Variants in GYS2 observed in about 807,000 individuals in gnomAD.
The protein encoded by GYS2 is glycogen [starch] synthase, liver.
A neutral mutation model predicts 85.6 loss-of-function variants in GYS2; 80 were observed. The observed-to-expected ratio is 0.93, with a 90% CI of 0.78 to 1.13. The LOEUF is 1.13. GYS2 is among the 50% of genes most tolerant of loss of function. The probability of loss-of-function intolerance (pLI) is 0.00; values close to 1 mark genes in which losing one functional copy is unlikely to be tolerated. For synonymous variants in GYS2, 328 were observed against 300.7 expected (o/e 1.09, Z -0.94); for missense variants, 881 against 854.9 (o/e 1.03, Z -0.38).
chr12:21,551,925 A>G (rs775157918), intron 11 of GYS2, among the ~76,000 whole-genome samples: 3 of 152,166 alleles, frequency 2.0e-5, no homozygotes, highest in Non-Finnish European at 4.4e-5. Context: ...TGCCCTCTCC[A>G]AAGCCCATTT....
At chr12:21,575,199 T>C (rs1944430998) in intron 3 of GYS2, among the ~76,000 whole-genome samples, 1 of 152,134 alleles carries the variant, frequency 6.6e-6, no homozygotes, top group African/African-American at 2.4e-5. Flanking sequence ...AAGAGGCTAA[T>C]AAAAAACATG....
rs10770833 is a variant in GYS2, at chr12:21,563,566, G to T, written c.824-221C>A. Among the ~76,000 whole-genome samples the T allele has an allele frequency of 0.7, 106,769 of 151,958 alleles. 38,086 individuals are homozygous for T. Among genetic ancestry groups the T allele is most frequent in the South Asian group, 0.79 (3,816 of 4,824 alleles). Reference sequence around the variant, plus strand: ...TTGAAATAGGAAATCAGAAATGCCTGACCAAAATAACAATGAAGCACTGGT... The same window carrying T: ...TTGAAATAGGAAATCAGAAATGCCTTACCAAAATAACAATGAAGCACTGGT... On this transcript the variant is annotated intron_variant, in intron 5 of 15. Coordinates refer to ENST00000261195, the MANE Select transcript of GYS2 (RefSeq NM_021957.4).
Position 21,546,412 on chromosome 12 carries a change from T to A in GYS2, c.1481A>T (p.Glu494Val). ...AAGATGACAACCTCTAACAAACTCT[T>A]CATAGTCCATGGGTAGTAAGGGACT... The part of the protein sequence containing the change: ...STSPLLPMDY[E>V]EFVRGCHLGV... Residue 494 changes from glutamate to valine, a missense_variant, in exon 12 of 16, where the codon GAA (glutamate) becomes GTA (valine). By Grantham distance (121) the Glu-to-Val change is moderately radical. Coordinates refer to ENST00000261195, the MANE Select transcript of GYS2 (RefSeq NM_021957.4). The A allele has an allele frequency of 6.3e-7, 1 of 1,597,982 alleles. No homozygotes were observed. The highest frequency in any genetic ancestry group is 1.1e-5 in the South Asian group (1 of 90,624).
rs1944274372 is a variant in GYS2 at position 21,563,033 on chromosome 12, A to G, written c.947T>C (p.Leu316Pro). Residue 316 changes from leucine (L) to proline (P), a missense_variant, in exon 7 of 16, where the codon CTC becomes CCC. Leu to Pro is a moderately conservative substitution (Grantham distance 98). Transcript: ENST00000261195. Reference protein sequence around the residue: ...DFVRGHFYGHLDFDLEKTLFL... With the variant: ...DFVRGHFYGHPDFDLEKTLFL... ...CAAAGTCTTTTCAAGATCAAAGTCG[A>G]GATGACTAAAACAAAACAAAACCAA... 6.2e-7 allele frequency: 1 copy of G among 1,610,558 alleles called. No homozygotes were observed. The highest frequency in any genetic ancestry group is 2.2e-5 in the East Asian group (1 of 44,790).
intron 11 of GYS2, among the ~76,000 whole-genome samples, chr12:21,557,198 G>C (rs1049391352): frequency 1.3e-5 from 2 of 152,198 alleles, no homozygotes; most frequent in African/African-American, 4.8e-5. Flanking sequence ...ATTCATTGTG[G>C]CTATTTGATC....
At chr12:21,604,382 A>G in intron 1 of GYS2, 90 bp downstream of exon 1, 2 of 833,136 alleles carry the variant, frequency 2.4e-6, no homozygotes, top group South Asian at 2.7e-5. Flanking sequence ...GCAATTGGTT[A>G]TCACTAGAGA....
chr12:21,560,474 T>A lies in GYS2; in HGVS notation c.1081A>T (p.Thr361Ser). Residue 361 changes from threonine (T) to serine (S), a missense_variant, in exon 8 of 16, where the codon ACA becomes TCA. Coordinates refer to ENST00000261195, the MANE Select transcript of GYS2 (RefSeq NM_021957.4). ...FLLRMHKSDI[T>S]VMVFFIMPAK... is the part of the protein sequence containing the mutation. The stretch of plus-strand genomic sequence containing the variant: ...GGCATAATGAAAAACACCATCACTG[T>A]GATGTCACTTTTATGCATCTGATGA... 3 of 1,543,086 alleles carry A rather than the reference T, an allele frequency of 1.9e-6. No individual in the cohort carries two copies. The African/African-American group carries it at 4.1e-5, about 21-fold the overall frequency.
intron 1 of GYS2, among the ~76,000 whole-genome samples, chr12:21,593,416 G>A (rs1423753845): frequency 6.6e-6 from 1 of 151,186 alleles, no homozygotes; most frequent in Non-Finnish European, 1.5e-5. Context: ...AAGAAAATCA[G>A]AAATAAAAAA....
chr12:21,599,140 ATAT>A (rs1944727819), intron 1 of GYS2, among the ~76,000 whole-genome samples: 1 of 152,044 alleles, frequency 6.6e-6, no homozygotes, highest in African/African-American at 2.4e-5. Flanking sequence ...ACATATATAC[ATAT>A]TATACACATA....
At chr12:21,542,948 G>A (rs1374062219) in intron 12 of GYS2, among the ~76,000 whole-genome samples, 2 of 152,182 alleles carry the variant, frequency 1.3e-5, no homozygotes, top group African/African-American at 2.4e-5. Flanking sequence ...ATCCCAGCTG[G>A]TTTTGTTTCT....
chr12:21,582,592 G>GAGAT (rs1555159421), intron 1 of GYS2, among the ~76,000 whole-genome samples: 1 of 128,452 alleles, frequency 7.8e-6, no homozygotes, highest in African/African-American at 3.1e-5. Context: ...GATAGATATA[G>GAGAT]AGATAGATAT....
intron 1 of GYS2, among the ~76,000 whole-genome samples, chr12:21,585,484 G>A (rs1944561809): frequency 6.6e-6 from 1 of 150,824 alleles, no homozygotes; most frequent in Admixed American, 6.6e-5. Flanking sequence ...CCATGTCCTG[G>A]AATTAAGGTC....
intron 15 of GYS2, among the ~76,000 whole-genome samples, chr12:21,538,004 G>A (rs1328634770): frequency 6.6e-6 from 1 of 152,126 alleles, no homozygotes; most frequent in African/African-American, 2.4e-5. Context: ...TTACCTGTCA[G>A]CAATACAACA....
chr12:21,574,228 A>T lies in GYS2; in HGVS notation c.594T>A (p.Ile198=). The T allele has an allele frequency of 6.2e-7, 1 of 1,613,552 alleles. No individual in the cohort carries two copies. The highest frequency in any genetic ancestry group is 8.5e-7 in the Non-Finnish European group (1 of 1,179,464). Residue 198 remains isoleucine, a synonymous_variant, in exon 4 of 16, where the codon ATT becomes ATA. Transcript: ENST00000261195. ...TAGCGTGGGTTGTAAATATTGTGGC[A>T]ATAGGAAGTTTCCTGGCTCGAGAAA... The part of the protein sequence containing the change: ...LILSRARKLP[I]ATIFTTHATL...
At position 21,574,334 on chromosome 12, in the gene GYS2, A is replaced by G; in HGVS notation, c.496-8T>C. ...ATCTGCATGATCTGTCACCTACATT[A>G]GGAAAAAAAAAGCATTCAGAAAAGT... On this transcript the variant is annotated splice_polypyrimidine_tract_variant and splice_region_variant and intron_variant, in intron 3 of 15. Transcript: ENST00000261195. The G allele has an allele frequency of 6.2e-7, 1 of 1,609,438 alleles. No individual in the cohort carries two copies. Among genetic ancestry groups the G allele is most frequent in the Non-Finnish European group, 8.5e-7 (1 of 1,175,820 alleles).
chr12:21,536,751 G>C lies in GYS2; in HGVS notation c.*203C>G. On this transcript the variant is annotated 3_prime_UTR_variant, in exon 16 of 16. Transcript: ENST00000261195. Reference sequence around the variant, plus strand: ...CCTCCTCATGCCTAACTTTATGGGGGAAACAAGAGTTGGGGAAAATAACTT... The same window carrying C: ...CCTCCTCATGCCTAACTTTATGGGGCAAACAAGAGTTGGGGAAAATAACTT... 1.7e-6 allele frequency: 1 copy of C among 592,902 alleles called. No homozygotes were observed. Among genetic ancestry groups the C allele is most frequent in the Non-Finnish European group, 3.0e-6 (1 of 334,226 alleles). 36.7% of individuals were successfully genotyped at this position (592,902 alleles called of 1,614,324 possible).
At chr12:21,592,062 G>C (rs903010931) in intron 1 of GYS2, among the ~76,000 whole-genome samples, 3 of 151,490 alleles carry the variant, frequency 2.0e-5, no homozygotes, top group Non-Finnish European at 2.9e-5. Context: ...CTAACTGGTA[G>C]AGCAAAACAC....
Position 21,562,964 on chromosome 12 carries a change from G to C in GYS2, c.1016C>G (p.Ala339Gly), listed in dbSNP as rs1944273124. The change falls in exon 7 of 16, where the codon GCT becomes GGT. Residue 339 changes from alanine (A) to glycine (G), a missense_variant. Coordinates refer to ENST00000261195, the MANE Select transcript of GYS2 (RefSeq NM_021957.4). ...AGRYEFSNKG[A>G]DIFLESLSRL... Reference sequence around the variant, plus strand: ...GGATAAGGATTCTAGGAAGATGTCAGCTCCTTTGTTTGAAAACTCATACCT... The same window carrying C: ...GGATAAGGATTCTAGGAAGATGTCACCTCCTTTGTTTGAAAACTCATACCT... The C allele has an allele frequency of 3.1e-6, 5 of 1,611,864 alleles. No individual in the cohort carries two copies. Among genetic ancestry groups the C allele is most frequent in the Non-Finnish European group, 4.2e-6 (5 of 1,178,082 alleles).
chr12:21,535,483 CA>C (rs1157577700), downstream of GYS2, among the ~76,000 whole-genome samples: 3 of 152,164 alleles, frequency 2.0e-5, no homozygotes, highest in Non-Finnish European at 4.4e-5. Flanking sequence ...GGGCATTTGT[CA>C]AAGGCTAGAT....
Sources: gnomAD v4.1 joint callset for allele counts (sites outside exome capture counted in the v4.1 genomes callset) on GRCh38, gnomAD v4.1.1 for gene constraint, MANE v1.5 for transcripts, NCBI Gene and HGNC (gene_info 2026-07-23, HGNC 2026-07-21) for gene names.